The following KDR variants were observed in gnomAD, a reference collection of about 807,000 sequenced individuals.
KDR encodes kinase insert domain receptor.
In KDR, 43 loss-of-function variants were observed where a neutral mutation model predicts 160.9. That is an observed-to-expected ratio of 0.27 (90% CI 0.21 to 0.34). The LOEUF (loss-of-function observed/expected upper bound fraction) is 0.34. KDR is among the 10% of genes least tolerant of loss of function. The probability of loss-of-function intolerance (pLI) is 1.00; values close to 1 mark genes in which losing one functional copy is unlikely to be tolerated. For synonymous variants in KDR, 617 were observed against 600.1 expected (o/e 1.03, Z -0.41); for missense variants, 1,469 against 1,666.4 (o/e 0.88, Z 2.06).
Position 55,086,579 on chromosome 4 carries a change from T to C in KDR, c.3662+1028A>G, listed in dbSNP as rs549101739. Among the ~76,000 whole-genome samples the C allele has an allele frequency of 1.2e-4, 19 of 152,318 alleles. No homozygotes were observed. In the South Asian group the frequency reaches 3.9e-3, roughly 32 times the overall value. Reference sequence around the variant, plus strand: ...TCTGAGTGTCATGATGTGGGCAACATCTGATAATATACGGCAAAGTTCTTT... The same window carrying C: ...TCTGAGTGTCATGATGTGGGCAACACCTGATAATATACGGCAAAGTTCTTT... On this transcript the variant is annotated intron_variant, in intron 27 of 29. Transcript: ENST00000263923.
chr4:55,105,119 T>C, intron 12 of KDR, 135 bp from the exon 13 acceptor site: 1 of 743,618 alleles, frequency 1.3e-6, no homozygotes, highest in Non-Finnish European at 2.3e-6. Context: ...TACTACAACT[T>C]GACAAACAAA....
In KDR at chr4:55,109,257, A is replaced by G. The variant is rs1720515863; in HGVS notation, c.1255+1146T>C. ...ACCACCATGCCTGGCTAATTTTTAT[A>G]TTTTTAGTAGAGACGGGTTTTCATC... On this transcript the variant is annotated intron_variant, in intron 9 of 29. Transcript: ENST00000263923. Among the ~76,000 whole-genome samples, 3 of 151,888 alleles carry G rather than the reference A, an allele frequency of 2.0e-5. No homozygotes were observed. In the South Asian group the frequency reaches 6.2e-4, roughly 32 times the overall value.
chr4:55,104,044 C>T (rs1181052590), intron 13 of KDR, among the ~76,000 whole-genome samples: 1 of 152,136 alleles, frequency 6.6e-6, no homozygotes, highest in African/African-American at 2.4e-5. Flanking sequence ...GTGGGATGAC[C>T]CAGAGGTACA....
Position 55,089,250 on chromosome 4 carries a change from G to T in KDR, c.3404+124C>A, listed in dbSNP as rs1719945042. 9.5e-6 allele frequency: 7 copies of T among 733,580 alleles called. 1 individual carries two copies. The highest frequency in any genetic ancestry group is 7.9e-5 in the South Asian group (5 of 62,966). 45.4% of individuals were successfully genotyped at this position (733,580 alleles called of 1,614,324 possible). On this transcript the variant is annotated intron_variant, in intron 25 of 29. Transcript: ENST00000263923. ...TCCATGCTTGAAATTATCAAGAAAG[G>T]CCCCAAAGTAAAAGCAGGACACTAA... is the stretch of plus-strand genomic sequence containing the variant.
rs1721016895 is a variant in KDR, at chr4:55,125,581, G to A, written c.-288C>T. 28 of 575,698 alleles carry A rather than the reference G, an allele frequency of 4.9e-5. 1 individual carries two copies. The South Asian group carries it at 5.2e-4, about 11-fold the overall frequency. The allele number at this position is 575,698 out of a possible 1,614,324, so 35.7% of individuals were successfully genotyped here. On this transcript the variant is annotated 5_prime_UTR_variant, in exon 1 of 30. Coordinates refer to ENST00000263923, the MANE Select transcript of KDR (RefSeq NM_002253.4). ...ACCACACATTGACCGCTCTCCCGGG[G>A]TCCCGGGACTCAGTGCAGGGTGGGA...
intron 27 of KDR, among the ~76,000 whole-genome samples, chr4:55,084,745 G>A (rs1719816761): frequency 2.0e-5 from 3 of 152,162 alleles, no homozygotes; most frequent in African/African-American, 7.2e-5. Context: ...AGAGTATCAG[G>A]AGGGAAAAGA....
intron 18 of KDR, 143 bp downstream of exon 18, chr4:55,097,515 TCCAA>T: frequency 1.6e-6 from 1 of 624,042 alleles, no homozygotes. Flanking sequence ...GGATCCTTTT[TCCAA>T]TTTGCACAAG....
At chr4:55,116,923 T>C (rs191293023) in intron 3 of KDR, among the ~76,000 whole-genome samples, 1 of 152,318 alleles carries the variant, frequency 6.6e-6, no homozygotes, top group African/African-American at 2.4e-5. Flanking sequence ...GCCAAAATCT[T>C]GGACAGCCCA....
At chr4:55,092,363 T>C (rs1276990177) in intron 22 of KDR, 2 of 485,002 alleles carry the variant, frequency 4.1e-6, no homozygotes, top group African/African-American at 2.0e-5. Flanking sequence ...TTCACCACAG[T>C]ATCCTCAGTG....
At chr4:55,108,538 G>A (rs1720498230) in intron 9 of KDR, among the ~76,000 whole-genome samples, 1 of 152,116 alleles carries the variant, frequency 6.6e-6, no homozygotes, top group Non-Finnish European at 1.5e-5. Context: ...ACTCGCCCAA[G>A]GTCACTCAGT....
intron 13 of KDR, among the ~76,000 whole-genome samples, chr4:55,103,532 A>G (rs558021310): frequency 6.6e-6 from 1 of 152,294 alleles, no homozygotes; most frequent in African/African-American, 2.4e-5. Flanking sequence ...CAATTCTGCC[A>G]TAACCTTGAA....
chr4:55,110,540 G>C lies in KDR; in HGVS notation c.1118C>G (p.Ser373Cys), dbSNP rs2110027574. The change falls in exon 9 of 30, where the codon TCC (serine) becomes TGC (cysteine). Residue 373 changes from serine (S) to cysteine (C), a missense_variant. Physicochemically the swap from Ser to Cys is moderately radical, Grantham distance 112. This residue lies in a region of KDR where 792 missense variants were observed against 840.9 expected (regional missense o/e 0.94). Transcript: ENST00000263923. Reference sequence around the variant, plus strand: ...ATGCCCCGCTTTAATTGTGTGATTGGACTCAAGGGGTATTCCATTTTTATA... The same window carrying C: ...ATGCCCCGCTTTAATTGTGTGATTGCACTCAAGGGGTATTCCATTTTTATA... ...KWYKNGIPLE[S>C]NHTIKAGHVL... 1 of 1,613,828 alleles carries C rather than the reference G, an allele frequency of 6.2e-7. No individual in the cohort carries two copies.
rs887964271 is a variant in KDR, at chr4:55,078,888, G to A, written c.*1053C>T. 2.1e-5 allele frequency: 5 copies of A among 233,154 alleles called. No individual in the cohort carries two copies. The highest frequency in any genetic ancestry group is 3.4e-5 in the Non-Finnish European group (4 of 118,056). 14.4% of individuals were successfully genotyped at this position (233,154 alleles called of 1,614,324 possible). A position where few individuals can be genotyped will look rare whatever the true frequency, so the allele number is the denominator to read the frequency against. On this transcript the variant is annotated 3_prime_UTR_variant, in exon 30 of 30. Coordinates refer to ENST00000263923, the MANE Select transcript of KDR (RefSeq NM_002253.4). ...AAACCCAATCAGGTTTACTGGAGTA[G>A]AGGCCAAATAACTAAAATACTGATG...
rs866146654 is a variant in KDR, at chr4:55,098,764, A to C, written c.2306T>G (p.Val769Gly). Residue 769 changes from valine to glycine, a missense_variant, in exon 16 of 30, where the codon GTA (valine) becomes GGA (glycine). Val to Gly is a moderately radical substitution (Grantham distance 109, BLOSUM62 -3). This residue lies in a region of KDR where 118 missense variants were observed against 110.8 expected (regional missense o/e 1.06). Transcript: ENST00000263923. ...EKTNLEIIIL[V>G]GTAVIAMFFW... ...GAACATGGCAATCACCGCCGTGCCT[A>C]CTAGAATAATGATTTCCAAGTTCGT... 6.2e-7 allele frequency: 1 copy of C among 1,613,228 alleles called. No homozygotes were observed. The highest frequency in any genetic ancestry group is 8.5e-7 in the Non-Finnish European group (1 of 1,179,482).
chr4:55,095,968 G>C (rs1560516073), intron 19 of KDR, among the ~76,000 whole-genome samples: 1 of 152,138 alleles, frequency 6.6e-6, no homozygotes, highest in Non-Finnish European at 1.5e-5. Context: ...AAGTTTTAGG[G>C]AAGTTTACTC....
At chr4:55,091,655 G>T (rs950013785) in intron 22 of KDR, among the ~76,000 whole-genome samples, 2 of 152,016 alleles carry the variant, frequency 1.3e-5, no homozygotes, top group African/African-American at 4.8e-5. Context: ...TATGAGAAGG[G>T]GAAAACATGG....
chr4:55,118,627 G>A lies in KDR; in HGVS notation c.335C>T (p.Ser112Leu), dbSNP rs761016513. The change falls in exon 3 of 30, where the codon TCG becomes TTG. Residue 112 changes from serine (S) to leucine (L), a missense_variant. Physicochemically the swap from Ser to Leu is moderately radical, Grantham distance 145 (BLOSUM62 -2). Transcript: ENST00000263923. ...KCFYRETDLA[S>L]VIYVYVQDYR... ...ACCTTGAACATAGACATAAATGACCGAGGCCAAGTCAGTTTCCCGGTAGAA... is the reference window on the plus strand; with the variant it reads ...ACCTTGAACATAGACATAAATGACCAAGGCCAAGTCAGTTTCCCGGTAGAA... 2.0e-5 allele frequency: 33 copies of A among 1,614,042 alleles called. 1 individual carries two copies. Among genetic ancestry groups the A allele is most frequent in the Middle Eastern group, 3.3e-4 (2 of 6,062 alleles).
At chr4:55,082,064 G>GCA (rs1338137754) in intron 28 of KDR, 23 bp from the exon 29 acceptor site, 3 of 1,484,576 alleles carry the variant, frequency 2.0e-6, no homozygotes, top group Non-Finnish European at 2.8e-6. Flanking sequence ...CAATGAGATG[G>GCA]CACAGTTAAT....
intron 9 of KDR, among the ~76,000 whole-genome samples, chr4:55,109,145 C>T (rs531765209): frequency 5.9e-5 from 9 of 151,896 alleles, no homozygotes; most frequent in East Asian, 3.9e-4. Flanking sequence ...TACAATGGTG[C>T]GATCTCGGCT....
Sources: allele counts gnomAD v4.1 joint callset (sites outside exome capture counted in the v4.1 genomes callset), GRCh38; gene constraint gnomAD v4.1.1; regional missense constraint gnomAD v4.1.1; transcripts MANE v1.5; gene names NCBI Gene and HGNC (gene_info 2026-07-23, HGNC 2026-07-21).